Variants in CCM2 observed in about 807,000 individuals in gnomAD.
CCM2 encodes cerebral cavernous malformations 2 protein.
Under a neutral mutation model 44.9 loss-of-function variants are expected in CCM2, and 25 were observed. That is an observed-to-expected ratio of 0.56 (90% CI 0.41 to 0.78). The LOEUF (loss-of-function observed/expected upper bound fraction) is 0.78, where lower values mean the gene tolerates loss of function less well. CCM2 is among the 30% of genes least tolerant of loss of function. The pLI, the probability that CCM2 is intolerant of heterozygous loss-of-function variation, is 0.00. For missense variants in CCM2, 481 were observed against 580.6 expected (o/e 0.83, Z 1.76); for synonymous variants, 219 against 241.1 (o/e 0.91, Z 0.85).
At chr7:45,072,636 T>G in intron 6 of CCM2, 90 bp from the exon 7 acceptor site, 1 of 994,042 alleles carries the variant, frequency 1.0e-6, no homozygotes. Context: ...GCTGCCGCTG[T>G]CTCCTGTAAA....
intron 1 of CCM2, among the ~76,000 whole-genome samples, chr7:45,034,296 C>T (rs1797106544): frequency 6.6e-6 from 1 of 151,874 alleles, no homozygotes; most frequent in South Asian, 2.1e-4. Flanking sequence ...ACTGCAACCT[C>T]TGCCTCCCGG....
intron 1 of CCM2, chr7:45,027,905 G>A: frequency 8.6e-7 from 1 of 1,160,402 alleles, no homozygotes; most frequent in Non-Finnish European, 1.3e-6. Context: ...TGTGAGCTAG[G>A]GTAGCCCAGT....
intron 2 of CCM2, among the ~76,000 whole-genome samples, chr7:45,052,534 C>T (rs955312973): frequency 2.2e-4 from 33 of 152,282 alleles, no homozygotes; most frequent in African/African-American, 7.9e-4. Flanking sequence ...TTAGCACAGT[C>T]CTGCAGTAAG....
chr7:45,057,941 A>G (rs1385218901), intron 2 of CCM2, among the ~76,000 whole-genome samples: 1 of 152,228 alleles, frequency 6.6e-6, no homozygotes, highest in Non-Finnish European at 1.5e-5. Flanking sequence ...TAAGCCCAAG[A>G]TGAACTTGTA....
intron 2 of CCM2, among the ~76,000 whole-genome samples, chr7:45,045,547 T>C (rs979013199): frequency 1.3e-5 from 2 of 152,174 alleles, no homozygotes; most frequent in Non-Finnish European, 2.9e-5. Context: ...ATCCCAGCAC[T>C]TTGGGAGGCC....
At chr7:45,075,730 G>A in intron 9 of CCM2, 47 bp from the exon 10 acceptor site, 2 of 1,612,428 alleles carry the variant, frequency 1.2e-6, no homozygotes, top group Non-Finnish European at 1.7e-6. Flanking sequence ...GAGCTGAGTG[G>A]GCTGAGCCGA....
At chr7:45,058,544 C>T (rs1246426377) in intron 2 of CCM2, among the ~76,000 whole-genome samples, 1 of 146,076 alleles carries the variant, frequency 6.8e-6, no homozygotes, top group East Asian at 2.1e-4. Flanking sequence ...TGTTCAATTC[C>T]CACCTATGAG....
At chr7:45,073,109 C>T (rs1799161703) in intron 7 of CCM2, 1 of 583,118 alleles carries the variant, frequency 1.7e-6, no homozygotes, top group South Asian at 2.0e-5. Flanking sequence ...CCATCTCTGC[C>T]ACCACCTGGG....
intron 1 of CCM2, among the ~76,000 whole-genome samples, chr7:45,000,673 T>C (rs1316060079): frequency 6.6e-6 from 1 of 152,234 alleles, no homozygotes; most frequent in Non-Finnish European, 1.5e-5. Flanking sequence ...GCCAGAAAGC[T>C]GTCCAGGGCT....
intron 1 of CCM2, among the ~76,000 whole-genome samples, chr7:45,002,351 T>G (rs976014841): frequency 1.3e-5 from 2 of 152,172 alleles, no homozygotes; most frequent in Non-Finnish European, 2.9e-5. Context: ...GCTCGATCAC[T>G]TTAGCTCAGG....
intron 7 of CCM2, 155 bp downstream of exon 7, chr7:45,072,938 C>G (rs1315235754): frequency 2.8e-6 from 2 of 712,160 alleles, no homozygotes; most frequent in Non-Finnish European, 5.1e-6. Context: ...ATGGCTGAGG[C>G]CTGGCTCGCC....
At chr7:45,020,021 C>T (rs1796422434) in intron 1 of CCM2, among the ~76,000 whole-genome samples, 1 of 152,142 alleles carries the variant, frequency 6.6e-6, no homozygotes, top group Non-Finnish European at 1.5e-5. Flanking sequence ...TGGGTTCCTC[C>T]TTTCCTATAT....
chr7:45,074,006 C>G, intron 8 of CCM2: 1 of 667,614 alleles, frequency 1.5e-6, no homozygotes, highest in Non-Finnish European at 2.4e-6. Flanking sequence ...CCCTGCCCTG[C>G]TGGCTCCTGT....
At chr7:45,049,243 A>G (rs1797892165) in intron 2 of CCM2, among the ~76,000 whole-genome samples, 1 of 152,186 alleles carries the variant, frequency 6.6e-6, no homozygotes, top group Non-Finnish European at 1.5e-5. Flanking sequence ...AGTGTGAGCC[A>G]CCATGTCCGG....
intron 1 of CCM2, among the ~76,000 whole-genome samples, chr7:45,006,363 C>T (rs565845607): frequency 5.5e-4 from 82 of 148,876 alleles, no homozygotes; most frequent in Non-Finnish European, 9.3e-4. Flanking sequence ...TTATTTTAGA[C>T]GGAGTCTTGT....
At chr7:45,018,213 C>A (rs1334479529) in intron 1 of CCM2, among the ~76,000 whole-genome samples, 1 of 152,140 alleles carries the variant, frequency 6.6e-6, no homozygotes, top group African/African-American at 2.4e-5. Context: ...TGCTTGCTGG[C>A]CCTCCACTCA....
At chr7:45,021,949 A>G (rs1405034080) in intron 1 of CCM2, among the ~76,000 whole-genome samples, 1 of 152,256 alleles carries the variant, frequency 6.6e-6, no homozygotes, top group Non-Finnish European at 1.5e-5. Context: ...GGATACAAGT[A>G]TAAAGTTAAA....
chr7:45,017,434 CAGG>C (rs765592293), intron 1 of CCM2, among the ~76,000 whole-genome samples: 31 of 152,294 alleles, frequency 2.0e-4, no homozygotes, highest in Admixed American at 3.9e-4. Flanking sequence ...GCTTGTGGAA[CAGG>C]AGGTCAGTTG....
At chr7:45,023,595 C>G (rs1453609692) in intron 1 of CCM2, among the ~76,000 whole-genome samples, 1 of 152,086 alleles carries the variant, frequency 6.6e-6, no homozygotes, top group Non-Finnish European at 1.5e-5. Context: ...AAGAAAACCC[C>G]ACTTTATTTA....
Sources: gnomAD v4.1 joint callset for allele counts (sites outside exome capture counted in the v4.1 genomes callset) on GRCh38, gnomAD v4.1.1 for gene constraint, MANE v1.5 for transcripts, NCBI Gene and HGNC (gene_info 2026-07-23, HGNC 2026-07-21) for gene names.